The following WDR70 variants were observed in gnomAD, a reference collection of about 807,000 sequenced individuals.
The protein encoded by WDR70 is WD repeat-containing protein 70.
A neutral mutation model predicts 88.6 loss-of-function variants in WDR70; 53 were observed. That is an observed-to-expected ratio of 0.60 (90% CI 0.48 to 0.75). The LOEUF (loss-of-function observed/expected upper bound fraction) is 0.75. Among genes scored for constraint, WDR70 ranks in the 30% least tolerant of loss-of-function variants. WDR70 has a pLI of 0.00. For synonymous variants in WDR70, 280 were observed against 270.0 expected (o/e 1.04, Z -0.36); for missense variants, 610 against 823.2 (o/e 0.74, Z 3.17).
Position 37,598,135 on chromosome 5 carries a change from T to G in WDR70, c.918-6929T>G, listed in dbSNP as rs554200194. On this transcript the variant is annotated intron_variant, in intron 9 of 17. Coordinates refer to ENST00000265107, the MANE Select transcript of WDR70 (RefSeq NM_018034.4). ...TCACTTACTTAGCTCTTATGTCTGT[T>G]TGCTATGTTTCCCAAAAATAATAAG... Among the ~76,000 whole-genome samples, 11 of 152,320 alleles carry G rather than the reference T, an allele frequency of 7.2e-5. No individual in the cohort carries two copies. In the South Asian group the frequency reaches 2.3e-3, roughly 32 times the overall value.
intron 5 of WDR70, among the ~76,000 whole-genome samples, chr5:37,426,549 G>C (rs751283753): frequency 6.6e-6 from 1 of 152,104 alleles, no homozygotes; most frequent in African/African-American, 2.4e-5. Context: ...TGTTCACCAC[G>C]GCCTTACTTA....
At chr5:37,383,127 A>G (rs1488736985) in intron 3 of WDR70, among the ~76,000 whole-genome samples, 2 of 152,188 alleles carry the variant, frequency 1.3e-5, no homozygotes, top group Non-Finnish European at 2.9e-5. Flanking sequence ...AAAATAAAAA[A>G]TAAAACGTTG....
chr5:37,694,707 A>T (rs1402046791), intron 10 of WDR70, among the ~76,000 whole-genome samples: 1 of 151,652 alleles, frequency 6.6e-6, no homozygotes, highest in Non-Finnish European at 1.5e-5. Context: ...GGGGTGTGGG[A>T]CTGGGGGAGG....
chr5:37,667,838 C>T lies in WDR70; in HGVS notation c.1093-29817C>T, dbSNP rs200229872. ...TTAGTTCAATCCATGCTAGTCTGTA[C>T]GATCTGAAAAAAAAAAAAAAAAAAA... is the stretch of plus-strand genomic sequence containing the variant. On this transcript the variant is annotated intron_variant, in intron 10 of 17. Coordinates refer to ENST00000265107, the MANE Select transcript of WDR70 (RefSeq NM_018034.4). Among the ~76,000 whole-genome samples, 42 of 99,566 alleles carry T rather than the reference C, an allele frequency of 4.2e-4. No individual in the cohort carries two copies. The South Asian group carries it at 4.6e-3, about 11-fold the overall frequency. The allele number at this position is 99,566 out of a possible 152,430, so 65.3% of individuals were successfully genotyped here. A position where few individuals can be genotyped will look rare whatever the true frequency, so the allele number is the denominator to read the frequency against.
chr5:37,648,550 G>T (rs753892014), intron 10 of WDR70, among the ~76,000 whole-genome samples: 1 of 127,654 alleles, frequency 7.8e-6, no homozygotes. Context: ...TGGTAGTTCA[G>T]TTGTTAGAAG....
chr5:37,529,320 C>T (rs1435687328), intron 9 of WDR70, among the ~76,000 whole-genome samples: 1 of 151,814 alleles, frequency 6.6e-6, no homozygotes, highest in Admixed American at 6.6e-5. Context: ...TTTTGGTTCC[C>T]TATGAATTTT....
chr5:37,530,353 A>C (rs1347241818), intron 9 of WDR70, among the ~76,000 whole-genome samples: 1 of 152,054 alleles, frequency 6.6e-6, no homozygotes, highest in Non-Finnish European at 1.5e-5. Context: ...CTCTTTCTCT[A>C]TCCTGTGGAA....
At chr5:37,678,026 C>T (rs1483386276) in intron 10 of WDR70, among the ~76,000 whole-genome samples, 1 of 152,122 alleles carries the variant, frequency 6.6e-6, no homozygotes, top group East Asian at 1.9e-4. Flanking sequence ...GGTTTAATGT[C>T]TGTTTTATCA....
intron 10 of WDR70, among the ~76,000 whole-genome samples, chr5:37,628,178 C>A (rs1404265125): frequency 6.6e-6 from 1 of 152,216 alleles, no homozygotes. Flanking sequence ...CTGCCTTGGC[C>A]TCTCAAAGTG....
chr5:37,721,403 G>C, intron 14 of WDR70, 188 bp downstream of exon 14: 1 of 594,822 alleles, frequency 1.7e-6, no homozygotes. Context: ...TATTGCCCTT[G>C]ATCCACACTG....
intron 6 of WDR70, among the ~76,000 whole-genome samples, chr5:37,440,174 T>C (rs1231195059): frequency 6.6e-6 from 1 of 152,232 alleles, no homozygotes; most frequent in Non-Finnish European, 1.5e-5. Flanking sequence ...TTTCTCCTTT[T>C]AGTGAATATT....
intron 10 of WDR70, among the ~76,000 whole-genome samples, chr5:37,652,720 CT>C (rs1245487036): frequency 1.3e-5 from 2 of 152,150 alleles, no homozygotes; most frequent in Non-Finnish European, 2.9e-5. Flanking sequence ...TGGGAGTTCA[CT>C]CATGATTTGG....
At chr5:37,649,130 C>G (rs1745321646) in intron 10 of WDR70, among the ~76,000 whole-genome samples, 1 of 151,932 alleles carries the variant, frequency 6.6e-6, no homozygotes, top group Admixed American at 6.6e-5. Flanking sequence ...GGAAAAGGTG[C>G]CTGGACTAAG....
intron 8 of WDR70, among the ~76,000 whole-genome samples, chr5:37,502,518 G>C (rs62359003): frequency 6.6e-6 from 1 of 152,022 alleles, no homozygotes; most frequent in Admixed American, 6.6e-5. Flanking sequence ...GCATTTTATC[G>C]GATGTTTTTT....
At chr5:37,536,259 A>G (rs1388161572) in intron 9 of WDR70, among the ~76,000 whole-genome samples, 1 of 152,220 alleles carries the variant, frequency 6.6e-6, no homozygotes, top group Non-Finnish European at 1.5e-5. Context: ...AGCAGATAAA[A>G]TTGAAAATAG....
At chr5:37,415,651 C>T (rs1364695691) in intron 5 of WDR70, among the ~76,000 whole-genome samples, 5 of 150,124 alleles carry the variant, frequency 3.3e-5, no homozygotes, top group Admixed American at 6.6e-5. Flanking sequence ...GGCGGCTGGC[C>T]GGGCGGGGGG....
At chr5:37,535,975 T>C (rs1327831691) in intron 9 of WDR70, among the ~76,000 whole-genome samples, 1 of 152,204 alleles carries the variant, frequency 6.6e-6, no homozygotes, top group East Asian at 1.9e-4. Flanking sequence ...GCAAATCTCT[T>C]TTATATAAGT....
chr5:37,594,234 A>C (rs1325681499), intron 9 of WDR70, among the ~76,000 whole-genome samples: 1 of 152,116 alleles, frequency 6.6e-6, no homozygotes, highest in Non-Finnish European at 1.5e-5. Context: ...TATGTCCTGA[A>C]TGGTATTGCC....
At chr5:37,673,587 C>A (rs940107523) in intron 10 of WDR70, among the ~76,000 whole-genome samples, 2 of 100,592 alleles carry the variant, frequency 2.0e-5, no homozygotes, top group African/African-American at 7.7e-5. Flanking sequence ...TTTCTTACCC[C>A]CCCCCCACCC....
Sources: gnomAD v4.1 joint callset for allele counts (sites outside exome capture counted in the v4.1 genomes callset) on GRCh38, gnomAD v4.1.1 for gene constraint, MANE v1.5 for transcripts, NCBI Gene and HGNC (gene_info 2026-07-23, HGNC 2026-07-21) for gene names.